Variants in PHC2 observed in about 807,000 individuals in gnomAD.
PHC2 encodes the protein polyhomeotic-like protein 2.
In PHC2, 29 loss-of-function variants were observed where a neutral mutation model predicts 87.4. The ratio of observed to expected loss-of-function variants is 0.33; its 90% confidence interval spans 0.25 to 0.45. The LOEUF (loss-of-function observed/expected upper bound fraction) is 0.45. Among genes scored for constraint, PHC2 ranks in the 20% least tolerant of loss-of-function variants. The probability of loss-of-function intolerance (pLI) is 1.00; values close to 1 mark genes in which losing one functional copy is unlikely to be tolerated. For synonymous variants in PHC2, 438 were observed against 461.7 expected (o/e 0.95, Z 0.66); for missense variants, 857 against 1,136.7 (o/e 0.75, Z 3.54).
chr1:33,377,337 G>C (rs1570499036), intron 1 of PHC2, among the ~76,000 whole-genome samples: 1 of 152,196 alleles, frequency 6.6e-6, no homozygotes, highest in Admixed American at 6.5e-5. Context: ...TCTCTCCTAA[G>C]ACAGAAATGG....
chr1:33,328,895 G>A lies in PHC2; in HGVS notation c.2400C>T (p.Val800=), dbSNP rs199526851. ...SEPTKWNVED[V]YEFIRSLPGC... ...CTGGCAGAGAGCGGATGAATTCGTA[G>A]ACGTCTTCTACATTCCACTTGGTGG... is the stretch of plus-strand genomic sequence containing the variant. The change falls in exon 14 of 15, where the codon GTC becomes GTT. Residue 800 remains valine (V), a synonymous_variant. Transcript: ENST00000683057. 1.2e-6 allele frequency: 2 copies of A among 1,610,016 alleles called. No homozygotes were observed. Among genetic ancestry groups the A allele is most frequent in the East Asian group, 4.5e-5 (2 of 44,764 alleles).
chr1:33,326,653 A>C (rs969976649), intron 14 of PHC2, among the ~76,000 whole-genome samples: 2 of 152,222 alleles, frequency 1.3e-5, no homozygotes, highest in Non-Finnish European at 2.9e-5. Context: ...TGAATTACTG[A>C]TTTTAAGAGT....
chr1:33,365,680 GGGCCGT>G (rs1647408286), intron 7 of PHC2, among the ~76,000 whole-genome samples: 1 of 152,242 alleles, frequency 6.6e-6, no homozygotes, highest in East Asian at 1.9e-4. Context: ...TGAAGCCACA[GGGCCGT>G]GAGGCCTCCG....
chr1:33,356,921 G>GCC (rs1647101356), intron 7 of PHC2, among the ~76,000 whole-genome samples: 2 of 151,906 alleles, frequency 1.3e-5, no homozygotes, highest in South Asian at 4.2e-4. Flanking sequence ...GGCGGGGGCT[G>GCC]CCCCCCACCT....
At position 33,349,443 on chromosome 1, in the gene PHC2, C is replaced by T; in HGVS notation, c.1558+4958G>A. 1.0e-6 allele frequency: 1 copy of T among 985,216 alleles called. No homozygotes were observed. Among genetic ancestry groups the T allele is most frequent in the Non-Finnish European group, 1.2e-6 (1 of 829,846 alleles). 61.0% of individuals were successfully genotyped at this position (985,216 alleles called of 1,614,324 possible). ...GCTGGGGAGCAGGGCACCTCCCAGG[C>T]GCCGCGCGGACGAGAGCCGCGACTG... On this transcript the variant is annotated intron_variant, in intron 9 of 14. Coordinates refer to ENST00000683057, the MANE Select transcript of PHC2 (RefSeq NM_001385109.1). This position sits in a 1 kb window ranked among gnomAD's most constrained non-coding sequence, Gnocchi z 4.2.
intron 3 of PHC2, 131 bp downstream of exon 3, chr1:33,372,158 G>T: frequency 2.3e-6 from 2 of 864,854 alleles, no homozygotes; most frequent in South Asian, 2.1e-5. Flanking sequence ...TAGTGCTCGT[G>T]TCACAAGGAC....
At chr1:33,355,541 T>C (rs565215907) in intron 7 of PHC2, among the ~76,000 whole-genome samples, 11 of 152,368 alleles carry the variant, frequency 7.2e-5, no homozygotes, top group African/African-American at 2.4e-4. Flanking sequence ...TCCTCTGTGA[T>C]GCCCTTTGGC....
chr1:33,395,817 A>G (rs1649270506), intron 1 of PHC2, among the ~76,000 whole-genome samples: 1 of 152,180 alleles, frequency 6.6e-6, no homozygotes, highest in Non-Finnish European at 1.5e-5. Context: ...TGAAATGAAT[A>G]CTATAGGGTC....
At chr1:33,347,613 C>A in intron 9 of PHC2, 1 of 985,446 alleles carries the variant, frequency 1.0e-6, no homozygotes, top group Non-Finnish European at 1.2e-6. Context: ...CATAGTTGGA[C>A]AACTGAGAAA....
At chr1:33,402,969 C>T (rs922716554) in intron 1 of PHC2, among the ~76,000 whole-genome samples, 8 of 151,668 alleles carry the variant, frequency 5.3e-5, no homozygotes, top group African/African-American at 1.5e-4. Flanking sequence ...CCACCACGCC[C>T]GACTTTTTAA....
intron 1 of PHC2, among the ~76,000 whole-genome samples, chr1:33,414,948 A>T (rs554558378): frequency 2.6e-5 from 4 of 152,298 alleles, no homozygotes; most frequent in Admixed American, 2.0e-4. Flanking sequence ...TTAAGCAACT[A>T]AAAAAATTGG....
intron 1 of PHC2, among the ~76,000 whole-genome samples, chr1:33,399,608 C>T (rs1389312322): frequency 1.3e-5 from 2 of 152,168 alleles, no homozygotes; most frequent in Non-Finnish European, 2.9e-5. Flanking sequence ...CTTCACATAA[C>T]CTAATGTGTG....
At chr1:33,377,380 T>C (rs1648240130) in intron 1 of PHC2, among the ~76,000 whole-genome samples, 1 of 152,040 alleles carries the variant, frequency 6.6e-6, no homozygotes, top group Non-Finnish European at 1.5e-5. Flanking sequence ...TCCCAGTCAG[T>C]AAGGAGGGCC....
chr1:33,421,193 G>A (rs1650422504), intron 1 of PHC2, among the ~76,000 whole-genome samples: 1 of 152,068 alleles, frequency 6.6e-6, no homozygotes, highest in South Asian at 2.1e-4. Flanking sequence ...ATCTCATGGG[G>A]GAAAGGCACC....
chr1:33,394,536 G>A lies in PHC2; in HGVS notation c.-54-18943C>T, dbSNP rs1479041658. On this transcript the variant is annotated intron_variant, in intron 1 of 14. Transcript: ENST00000683057. ...CAACTAATTAACTAAGAATTTTTTG[G>A]TAGGGGGAGCAGAGAGGCAATGTTT... 4.6e-5 allele frequency among the ~76,000 whole-genome samples: 7 copies of A among 152,178 alleles called. No individual in the cohort carries two copies. In the South Asian group the frequency reaches 1.0e-3, roughly 23 times the overall value.
Position 33,354,579 on chromosome 1 carries a change from A to C in PHC2, c.1393-13T>G, listed in dbSNP as rs745344171. 6.2e-7 allele frequency: 1 copy of C among 1,606,860 alleles called. No individual in the cohort carries two copies. Among genetic ancestry groups the C allele is most frequent in the South Asian group, 1.1e-5 (1 of 90,132 alleles). On this transcript the variant is annotated splice_polypyrimidine_tract_variant and intron_variant, in intron 8 of 14. Coordinates refer to ENST00000683057, the MANE Select transcript of PHC2 (RefSeq NM_001385109.1). ...CACACTGCTGGGGCTGTCAAAGGAC[A>C]GGACAGAGAGGGGGGCCTCTCAGAA...
intron 1 of PHC2, among the ~76,000 whole-genome samples, chr1:33,422,735 A>T (rs1359059372): frequency 6.6e-6 from 1 of 152,170 alleles, no homozygotes; most frequent in East Asian, 1.9e-4. Flanking sequence ...CTGCCCTCTT[A>T]TTCTAATTCT....
chr1:33,389,657 G>T (rs1205423135), intron 1 of PHC2, among the ~76,000 whole-genome samples: 2 of 152,110 alleles, frequency 1.3e-5, no homozygotes, highest in Non-Finnish European at 2.9e-5. Context: ...CCAAATAATA[G>T]CCTTTAATTG....
intron 1 of PHC2, among the ~76,000 whole-genome samples, chr1:33,417,875 G>A (rs1650274937): frequency 6.6e-6 from 1 of 152,004 alleles, no homozygotes; most frequent in Non-Finnish European, 1.5e-5. Flanking sequence ...ATCATATAAA[G>A]CATATTCTCT....
Sources: allele counts gnomAD v4.1 joint callset (sites outside exome capture counted in the v4.1 genomes callset), GRCh38; gene constraint gnomAD v4.1.1; non-coding constraint Gnocchi (gnomAD v3.1); transcripts MANE v1.5; gene names NCBI Gene and HGNC (gene_info 2026-07-23, HGNC 2026-07-21).